Variants in GDA observed in about 807,000 individuals in gnomAD.
GDA encodes cytoplasmic PSD-95 interactor.
A neutral mutation model predicts 59.6 loss-of-function variants in GDA; 18 were observed. The ratio of observed to expected loss-of-function variants is 0.30; its 90% CI spans 0.21 to 0.45. GDA has a LOEUF of 0.45. GDA is among the 20% of genes least tolerant of loss of function. GDA has a pLI of 1.00. For missense variants in GDA, 427 were observed against 552.3 expected (o/e 0.77, Z 2.27); for synonymous variants, 201 against 201.1 (o/e 1.00, Z 0.00).
Position 72,213,660 on chromosome 9 carries a change from G to A in GDA, c.473-226G>A, listed in dbSNP as rs574693700. On this transcript the variant is annotated intron_variant, in intron 4 of 13. Transcript: ENST00000358399. ...CTACTAAAAATACAAAAAATTAGCC[G>A]GGCGCGGTGGCGGGCGCCTGTAGTC... 1.9e-3 allele frequency among the ~76,000 whole-genome samples: 283 copies of A among 151,880 alleles called. 1 individual carries two copies. Among genetic ancestry groups the A allele is most frequent in the Admixed American group, 4.2e-3 (64 of 15,276 alleles).
chr9:72,205,607 A>G (rs558729798), intron 3 of GDA, among the ~76,000 whole-genome samples: 3 of 152,334 alleles, frequency 2.0e-5, no homozygotes, highest in Middle Eastern at 3.4e-3. Flanking sequence ...CTTGATTGTT[A>G]CAGCTCTGGG....
chr9:72,253,530 T>A (rs947474520), downstream of GDA: 2 of 152,200 alleles, frequency 1.3e-5, no homozygotes, highest in Non-Finnish European at 2.9e-5. Flanking sequence ...CCTTGCTGCC[T>A]ATCTGTGAGG....
intron 11 of GDA, among the ~76,000 whole-genome samples, chr9:72,242,136 G>A (rs980695364): frequency 2.6e-5 from 4 of 152,138 alleles, no homozygotes; most frequent in Non-Finnish European, 5.9e-5. Context: ...GCCACAGTGT[G>A]CTATGATTTG....
intron 1 of GDA, among the ~76,000 whole-genome samples, chr9:72,174,732 G>T (rs556309125): frequency 6.6e-6 from 1 of 151,414 alleles, no homozygotes; most frequent in Non-Finnish European, 1.5e-5. Flanking sequence ...TATATATTGG[G>T]AACTGTTGAG....
chr9:72,119,885 G>T (rs1825603006), intron 1 of GDA, among the ~76,000 whole-genome samples: 1 of 151,758 alleles, frequency 6.6e-6, no homozygotes, highest in African/African-American at 2.4e-5. Flanking sequence ...CTGCAGAAAA[G>T]ATATACGTTT....
intron 1 of GDA, among the ~76,000 whole-genome samples, chr9:72,179,039 A>G (rs957384158): frequency 3.3e-5 from 5 of 152,326 alleles, no homozygotes; most frequent in Middle Eastern, 3.4e-3. Context: ...GCCGAGCTCA[A>G]TGATATGTTT....
intron 6 of GDA, among the ~76,000 whole-genome samples, chr9:72,221,224 C>T (rs1165663041): frequency 5.3e-5 from 8 of 152,148 alleles, no homozygotes; most frequent in Non-Finnish European, 8.8e-5. Context: ...AAAATGGAAT[C>T]GGCTATCACC....
At chr9:72,124,728 T>C (rs1825785747) in intron 1 of GDA, among the ~76,000 whole-genome samples, 1 of 152,182 alleles carries the variant, frequency 6.6e-6, no homozygotes, top group Non-Finnish European at 1.5e-5. Context: ...AGTATGTTGT[T>C]ATATGATGGA....
intron 1 of GDA, among the ~76,000 whole-genome samples, chr9:72,155,986 T>C (rs982361036): frequency 6.6e-6 from 1 of 152,214 alleles, no homozygotes; most frequent in Non-Finnish European, 1.5e-5. Context: ...ATGCCTGGCA[T>C]GTAGTACATG....
intron 1 of GDA, among the ~76,000 whole-genome samples, chr9:72,185,250 A>G (rs1249874146): frequency 6.6e-6 from 1 of 152,214 alleles, no homozygotes; most frequent in Admixed American, 6.5e-5. Flanking sequence ...TACAGAAGCA[A>G]TCATAAAGTT....
chr9:72,229,457 T>C (rs1449050324), intron 9 of GDA, among the ~76,000 whole-genome samples: 3 of 152,130 alleles, frequency 2.0e-5, no homozygotes, highest in Admixed American at 6.5e-5. Flanking sequence ...GTTACCACTG[T>C]GGGCTCCCGG....
At chr9:72,188,796 C>T (rs1004867122) in intron 1 of GDA, among the ~76,000 whole-genome samples, 2 of 152,148 alleles carry the variant, frequency 1.3e-5, no homozygotes, top group Non-Finnish European at 2.9e-5. Flanking sequence ...GCAACCTCAG[C>T]CTGGGAGAGC....
intron 1 of GDA, among the ~76,000 whole-genome samples, chr9:72,138,232 C>T (rs567174293): frequency 6.6e-5 from 10 of 152,302 alleles, no homozygotes; most frequent in African/African-American, 1.7e-4. Flanking sequence ...CTTCCCACCA[C>T]CTCCCTCTGT....
At chr9:72,226,663 A>G (rs571587318) in intron 8 of GDA, among the ~76,000 whole-genome samples, 1 of 152,366 alleles carries the variant, frequency 6.6e-6, no homozygotes, top group African/African-American at 2.4e-5. Context: ...AGATATGAAT[A>G]TAACTGATTT....
rs374543440 is a variant in GDA, at chr9:72,196,251, C to T, written c.212+663C>T. Among the ~76,000 whole-genome samples the T allele has an allele frequency of 4.4e-4, 67 of 151,846 alleles. 2 individuals are homozygous for T. The Middle Eastern group carries it at 0.027, about 62-fold the overall frequency. ...ATCCTAGCACTTTGGGAGGCCGAGG[C>T]GGGTGGATCACCTGAGATCAGGAGT... is the stretch of plus-strand genomic sequence containing the variant. On this transcript the variant is annotated intron_variant, in intron 2 of 13. Transcript: ENST00000358399.
chr9:72,226,853 C>T lies in GDA; in HGVS notation c.822+1069C>T, dbSNP rs556390970. Among the ~76,000 whole-genome samples, 67 of 152,160 alleles carry T rather than the reference C, an allele frequency of 4.4e-4. 1 individual carries two copies. Among genetic ancestry groups the T allele is most frequent in the Admixed American group, 3.7e-3 (57 of 15,276 alleles). On this transcript the variant is annotated intron_variant, in intron 8 of 13. Coordinates refer to ENST00000358399, the MANE Select transcript of GDA (RefSeq NM_004293.5). ...AGTCACTGGGCCGGGCCTGGTGGCT[C>T]ATGTCTGTAATCCCAGCACTTTGGG...
chr9:72,131,668 C>CAA (rs1406043389), intron 1 of GDA, among the ~76,000 whole-genome samples: 8 of 151,616 alleles, frequency 5.3e-5, no homozygotes, highest in Non-Finnish European at 1.0e-4. Flanking sequence ...CACACAAACA[C>CAA]ACACACATCA....
intron 1 of GDA, among the ~76,000 whole-genome samples, chr9:72,117,853 G>A (rs1482106412): frequency 2.0e-5 from 3 of 152,180 alleles, no homozygotes; most frequent in Non-Finnish European, 4.4e-5. Flanking sequence ...AAGAATGGAG[G>A]ATTTGGTTGT....
intron 7 of GDA, among the ~76,000 whole-genome samples, chr9:72,223,542 A>G (rs1837173019): frequency 6.6e-6 from 1 of 152,182 alleles, no homozygotes; most frequent in Non-Finnish European, 1.5e-5. Context: ...TCTCTGTAGG[A>G]TACATTTAAT....
Sources: gnomAD v4.1 joint callset for allele counts (sites outside exome capture counted in the v4.1 genomes callset) on GRCh38, gnomAD v4.1.1 for gene constraint, MANE v1.5 for transcripts, NCBI Gene and HGNC (gene_info 2026-07-23, HGNC 2026-07-21) for gene names.